FANCC: variants seen among roughly 807,000 people sequenced by gnomAD.
FANCC encodes Fanconi anemia group C protein.
In FANCC, 55 loss-of-function variants were observed where a neutral mutation model predicts 71.3. The observed-to-expected ratio is 0.77, with a 90% CI of 0.62 to 0.97. FANCC has a LOEUF of 0.97. Among genes scored for constraint, FANCC ranks in the 50% least tolerant of loss-of-function variants. The probability of loss-of-function intolerance (pLI) is 0.00; values close to 1 mark genes in which losing one functional copy is unlikely to be tolerated. For synonymous variants in FANCC, 275 were observed against 244.9 expected (o/e 1.12, Z -1.15); for missense variants, 678 against 670.9 (o/e 1.01, Z -0.12).
intron 10 of FANCC, 93 bp from the exon 11 acceptor site, chr9:95,117,483 AC>A: frequency 1.1e-6 from 1 of 907,836 alleles, no homozygotes; most frequent in Non-Finnish European, 1.8e-6. Context: ...CCCAAAAAAG[AC>A]CCACCAGTAC....
chr9:95,223,767 G>A lies in FANCC; in HGVS notation c.345+16882C>T, dbSNP rs566846344. ...CAAGGCGGGTGGATCACCTGAGGTC[G>A]GGAGTTCGAGACCAGCCTGACCAAC... On this transcript the variant is annotated intron_variant, in intron 4 of 14. Coordinates refer to ENST00000289081, the MANE Select transcript of FANCC (RefSeq NM_000136.3). Among the ~76,000 whole-genome samples the A allele has an allele frequency of 4.6e-5, 7 of 152,110 alleles. No individual in the cohort carries two copies. In the East Asian group the frequency reaches 1.4e-3, roughly 30 times the overall value.
Position 95,101,456 on chromosome 9 carries a change from G to A in FANCC, c.*251C>T. ...ATTATCAAGCTGACGGTCTGGCCGG[G>A]CGGGCACCAGGAGTACCGAAGGCTC... On this transcript the variant is annotated 3_prime_UTR_variant, in exon 15 of 15. Coordinates refer to ENST00000289081, the MANE Select transcript of FANCC (RefSeq NM_000136.3). 1.8e-6 allele frequency: 1 copy of A among 555,384 alleles called. No individual in the cohort carries two copies. The allele number at this position is 555,384 out of a possible 1,614,324, so 34.4% of individuals were successfully genotyped here.
chr9:95,302,212 T>A (rs2136369561), intron 1 of FANCC, among the ~76,000 whole-genome samples: 1 of 152,312 alleles, frequency 6.6e-6, no homozygotes, highest in South Asian at 2.1e-4. Flanking sequence ...AGCCCAGCTT[T>A]AGGAGAGCTG....
At chr9:95,299,730 G>A (rs912003153) in intron 1 of FANCC, among the ~76,000 whole-genome samples, 29 of 152,058 alleles carry the variant, frequency 1.9e-4, no homozygotes, top group African/African-American at 5.8e-4. Flanking sequence ...ACATGGTGGC[G>A]CATGCCTGTG....
intron 1 of FANCC, among the ~76,000 whole-genome samples, chr9:95,311,744 T>TGTGTGTGTGTGTGTGA (rs371454385): frequency 1.3e-5 from 2 of 150,880 alleles, no homozygotes; most frequent in African/African-American, 2.4e-5. Context: ...TGTGTGTGTG[T>TGTGTGTGTGTGTGTGA]GAAAAACCGC....
intron 3 of FANCC, among the ~76,000 whole-genome samples, chr9:95,245,525 C>T (rs1020579833): frequency 6.6e-6 from 1 of 151,506 alleles, no homozygotes; most frequent in African/African-American, 2.4e-5. Flanking sequence ...TACAATAAAT[C>T]AACTGTAACA....
intron 13 of FANCC, chr9:95,110,977 A>G: frequency 1.4e-6 from 2 of 1,414,798 alleles, no homozygotes; most frequent in Non-Finnish European, 1.8e-6. Flanking sequence ...TTAGTAAGAG[A>G]TGTAAATAAA....
chr9:95,280,029 C>T (rs1019058944), intron 1 of FANCC, among the ~76,000 whole-genome samples: 1 of 150,622 alleles, frequency 6.6e-6, no homozygotes, highest in African/African-American at 2.4e-5. Context: ...TAACTATATG[C>T]TGTCTATAGA....
At chr9:95,120,266 C>T (rs576627620) in intron 10 of FANCC, among the ~76,000 whole-genome samples, 16 of 152,232 alleles carry the variant, frequency 1.1e-4, no homozygotes, top group East Asian at 3.9e-4. Flanking sequence ...TTGTTGAAAA[C>T]GTTCCTTTCC....
intron 8 of FANCC, among the ~76,000 whole-genome samples, chr9:95,133,351 C>T (rs1169973775): frequency 6.6e-6 from 1 of 152,220 alleles, no homozygotes; most frequent in Non-Finnish European, 1.5e-5. Context: ...ATAAATTAAA[C>T]CAAATAACAC....
chr9:95,206,527 CT>C (rs1212015616), intron 4 of FANCC, among the ~76,000 whole-genome samples: 6 of 152,194 alleles, frequency 3.9e-5, no homozygotes, highest in Non-Finnish European at 8.8e-5. Flanking sequence ...GGCTAAAAAA[CT>C]GGACACTTTT....
chr9:95,239,315 G>A (rs1457280445), intron 4 of FANCC, among the ~76,000 whole-genome samples: 1 of 152,038 alleles, frequency 6.6e-6, no homozygotes, highest in African/African-American at 2.4e-5. Context: ...TTAACTCCCT[G>A]AACTATACTT....
At chr9:95,109,436 C>G (rs1279427136) in intron 13 of FANCC, among the ~76,000 whole-genome samples, 2 of 152,142 alleles carry the variant, frequency 1.3e-5, no homozygotes, top group Non-Finnish European at 2.9e-5. Flanking sequence ...GGGTATGAAC[C>G]CTTGCCTGAT....
At chr9:95,315,085 T>C (rs1264082579) in intron 1 of FANCC, among the ~76,000 whole-genome samples, 1 of 152,214 alleles carries the variant, frequency 6.6e-6, no homozygotes, top group Admixed American at 6.5e-5. Flanking sequence ...ATCAAGATAA[T>C]GTAATGCTGA....
At chr9:95,183,743 A>G (rs1335928614) in intron 4 of FANCC, among the ~76,000 whole-genome samples, 6 of 152,332 alleles carry the variant, frequency 3.9e-5, no homozygotes, top group Non-Finnish European at 8.8e-5. Context: ...TGCTGGGATT[A>G]GAACATCCAG....
intron 3 of FANCC, among the ~76,000 whole-genome samples, chr9:95,244,092 G>C (rs1267427404): frequency 2.6e-5 from 4 of 152,240 alleles, no homozygotes; most frequent in Non-Finnish European, 4.4e-5. Flanking sequence ...ATCACAGACA[G>C]ATACAAGTTC....
At chr9:95,196,915 T>C (rs1336930990) in intron 4 of FANCC, among the ~76,000 whole-genome samples, 2 of 152,220 alleles carry the variant, frequency 1.3e-5, no homozygotes, top group East Asian at 1.9e-4. Context: ...TCCTAAACCA[T>C]AGGCTCACCT....
chr9:95,162,203 G>A (rs1462006143), intron 6 of FANCC, among the ~76,000 whole-genome samples: 1 of 152,162 alleles, frequency 6.6e-6, no homozygotes, highest in African/African-American at 2.4e-5. Context: ...AAGTAATCAT[G>A]CAGTATTTGC....
At chr9:95,103,710 GAA>G in intron 14 of FANCC, among the ~76,000 whole-genome samples, 1 of 152,368 alleles carries the variant, frequency 6.6e-6, no homozygotes, top group East Asian at 1.9e-4. Flanking sequence ...CGAGGTCAGA[GAA>G]GAGGATTCCG....
Sources: gnomAD v4.1 joint callset for allele counts (sites outside exome capture counted in the v4.1 genomes callset) on GRCh38, gnomAD v4.1.1 for gene constraint, MANE v1.5 for transcripts, NCBI Gene and HGNC (gene_info 2026-07-23, HGNC 2026-07-21) for gene names.